Variants in EIPR1 observed in about 807,000 individuals in gnomAD.
EIPR1 encodes the protein EARP and GARP complex-interacting protein 1.
EIPR1 carries 25 observed loss-of-function variants against 48.1 expected under a neutral mutation model. The ratio of observed to expected loss-of-function variants is 0.52; its 90% confidence interval spans 0.38 to 0.73. The LOEUF (loss-of-function observed/expected upper bound fraction) is 0.73. Ranked by LOEUF, EIPR1 falls within the 30% of genes least tolerant of loss-of-function variation. EIPR1 has a pLI of 0.00. For synonymous variants in EIPR1, 204 were observed against 201.9 expected, an observed-to-expected ratio of 1.01 and a Z score of -0.09; for missense variants, 415 against 506.2, an observed-to-expected ratio of 0.82 and a Z score of 1.73.
intron 3 of EIPR1, among the ~76,000 whole-genome samples, chr2:3,259,634 T>A (rs1321926143): frequency 1.3e-5 from 2 of 152,250 alleles, no homozygotes; most frequent in African/African-American, 4.8e-5. Flanking sequence ...GAATCTACAC[T>A]CACTTCAACT....
intron 5 of EIPR1, chr2:3,208,785 AG>A (rs1171680406): frequency 1.3e-6 from 2 of 1,548,624 alleles, no homozygotes; most frequent in Non-Finnish European, 8.7e-7. Context: ...TCCTTGAGTG[AG>A]GCTCGTGGCA....
At chr2:3,222,723 A>G (rs1031136308) in intron 4 of EIPR1, among the ~76,000 whole-genome samples, 1 of 152,224 alleles carries the variant, frequency 6.6e-6, no homozygotes, top group Non-Finnish European at 1.5e-5. Context: ...AGGGCCCTGA[A>G]GAATGACTGC....
At chr2:3,216,863 G>A (rs1665656271) in intron 4 of EIPR1, among the ~76,000 whole-genome samples, 1 of 152,214 alleles carries the variant, frequency 6.6e-6, no homozygotes, top group African/African-American at 2.4e-5. Context: ...AATAAATTTA[G>A]TTATAACCGT....
In EIPR1 at chr2:3,286,818, C is replaced by T. The variant is rs1381259175; in HGVS notation, c.260-29363G>A. Among the ~76,000 whole-genome samples, 3 of 152,172 alleles carry T rather than the reference C, an allele frequency of 2.0e-5. No homozygotes were observed. Among genetic ancestry groups the T allele is most frequent in the East Asian group, 3.9e-4 (2 of 5,182 alleles). ...CCAAGGCTTGGAGAGTTGAAGCCAC[C>T]GTCCAAGAACACACCAGAGTGCCAG... On this transcript the variant is annotated intron_variant, in intron 3 of 8. Transcript: ENST00000382125. The surrounding 1 kb of genome is among the most constrained non-coding windows in gnomAD (Gnocchi z 4.2).
intron 1 of EIPR1, among the ~76,000 whole-genome samples, chr2:3,366,035 T>G (rs982811807): frequency 2.0e-5 from 3 of 152,136 alleles, no homozygotes; most frequent in African/African-American, 7.2e-5. Context: ...AGGCCCGGCA[T>G]GGTGGCTCAC....
intron 4 of EIPR1, among the ~76,000 whole-genome samples, chr2:3,249,765 G>T (rs1184884572): frequency 6.6e-6 from 1 of 152,190 alleles, no homozygotes; most frequent in Non-Finnish European, 1.5e-5. Flanking sequence ...CCAAGGCCAG[G>T]CCCGGGGCCC....
chr2:3,369,033 C>CA (rs1252388675), intron 1 of EIPR1, among the ~76,000 whole-genome samples: 13 of 149,458 alleles, frequency 8.7e-5, no homozygotes, highest in South Asian at 6.3e-4. Context: ...GACAAACAAA[C>CA]AAAAAAAAAC....
At chr2:3,355,187 C>G (rs2103376660) in intron 1 of EIPR1, among the ~76,000 whole-genome samples, 1 of 152,332 alleles carries the variant, frequency 6.6e-6, no homozygotes, top group Non-Finnish European at 1.5e-5. Flanking sequence ...AGGCACCTGC[C>G]AGTCTGGAAA....
chr2:3,285,609 G>A (rs1668159042), intron 3 of EIPR1, among the ~76,000 whole-genome samples: 1 of 152,250 alleles, frequency 6.6e-6, no homozygotes, highest in African/African-American at 2.4e-5. Context: ...TGGAGCCTCA[G>A]CTTCTGATGC....
At chr2:3,375,475 G>A (rs960300990) in intron 1 of EIPR1, among the ~76,000 whole-genome samples, 3 of 152,032 alleles carry the variant, frequency 2.0e-5, no homozygotes, top group African/African-American at 7.2e-5. Context: ...TGGGTTTTTT[G>A]AGAGATTTCT....
chr2:3,222,773 T>A (rs1480750559), intron 4 of EIPR1, among the ~76,000 whole-genome samples: 2 of 152,172 alleles, frequency 1.3e-5, no homozygotes, highest in Non-Finnish European at 2.9e-5. Flanking sequence ...GGGTGCATGA[T>A]GACATCGTGG....
At chr2:3,251,035 AAC>A (rs1469620966) in intron 4 of EIPR1, among the ~76,000 whole-genome samples, 2 of 152,218 alleles carry the variant, frequency 1.3e-5, no homozygotes, top group African/African-American at 2.4e-5. Flanking sequence ...AATAAAATAT[AAC>A]AGTGTGAGAT....
At chr2:3,310,920 G>T (rs1406243074) in intron 3 of EIPR1, among the ~76,000 whole-genome samples, 1 of 151,628 alleles carries the variant, frequency 6.6e-6, no homozygotes, top group Non-Finnish European at 1.5e-5. Context: ...CATATGTTAG[G>T]GGAAATAATT....
chr2:3,235,318 C>T (rs770502570), intron 4 of EIPR1, among the ~76,000 whole-genome samples: 35 of 152,370 alleles, frequency 2.3e-4, no homozygotes, highest in Non-Finnish European at 4.1e-4. Context: ...CTCAACCGGC[C>T]TTCATCTGAA....
At chr2:3,207,275 C>T (rs1254510132) in intron 5 of EIPR1, among the ~76,000 whole-genome samples, 1 of 152,214 alleles carries the variant, frequency 6.6e-6, no homozygotes, top group Non-Finnish European at 1.5e-5. Flanking sequence ...GGCCAAGGAA[C>T]ATGTCTCAGG....
At chr2:3,265,192 G>C (rs1373107030) in intron 3 of EIPR1, among the ~76,000 whole-genome samples, 1 of 55,790 alleles carries the variant, frequency 1.8e-5, no homozygotes, top group Non-Finnish European at 3.5e-5. Context: ...GAACATTAGA[G>C]GGGTGTGCAG....
chr2:3,310,823 A>T (rs2103308729), intron 3 of EIPR1, among the ~76,000 whole-genome samples: 1 of 152,264 alleles, frequency 6.6e-6, no homozygotes, highest in South Asian at 2.1e-4. Context: ...TATTTTATAT[A>T]CTAAACTTTG....
At chr2:3,236,357 C>T (rs545486916) in intron 4 of EIPR1, among the ~76,000 whole-genome samples, 15 of 152,236 alleles carry the variant, frequency 9.9e-5, no homozygotes, top group Non-Finnish European at 1.9e-4. Flanking sequence ...CAGTCCTCAT[C>T]CTTGTCCCTC....
chr2:3,209,890 C>T (rs1038337042), intron 5 of EIPR1, among the ~76,000 whole-genome samples: 1 of 152,148 alleles, frequency 6.6e-6, no homozygotes. Context: ...AAAGAATCAT[C>T]GTTGGGGCAC....
Sources: gnomAD v4.1 joint callset for allele counts (sites outside exome capture counted in the v4.1 genomes callset) on GRCh38, gnomAD v4.1.1 for gene constraint, Gnocchi (gnomAD v3.1) non-coding constraint, MANE v1.5 for transcripts, NCBI Gene and HGNC (gene_info 2026-07-23, HGNC 2026-07-21) for gene names.